The following JAM3 variants were observed in gnomAD, a reference collection of about 807,000 sequenced individuals.
JAM3 encodes the protein junctional adhesion molecule 3.
JAM3 carries 31 observed loss-of-function variants against 39.4 expected under a neutral mutation model. The observed-to-expected ratio is 0.79, with a 90% CI of 0.59 to 1.06. The LOEUF is 1.06. JAM3 is among the 50% of genes least tolerant of loss of function. The pLI is 0.00. For missense variants in JAM3, 455 were observed against 391.4 expected, an observed-to-expected ratio of 1.16 and a Z score of -1.37; for synonymous variants, 182 against 148.7, an observed-to-expected ratio of 1.22 and a Z score of -1.63.
Position 134,149,579 on chromosome 11 carries a change from C to G in JAM3, c.*398C>G. ...GCCACGACAGCACCATGTGAGATGG[C>G]GAGGTGGCTGGACAGCACCAGCAGC... On this transcript the variant is annotated 3_prime_UTR_variant, in exon 9 of 9. Coordinates refer to ENST00000299106, the MANE Select transcript of JAM3 (RefSeq NM_032801.5). 2.1e-6 allele frequency: 1 copy of G among 473,652 alleles called. No homozygotes were observed. The highest frequency in any genetic ancestry group is 1.5e-5 in the South Asian group (1 of 64,692). The allele number at this position is 473,652 out of a possible 1,614,324, so 29.3% of individuals were successfully genotyped here.
rs1294035907 is a variant in JAM3, at chr11:134,103,832, C to T, written c.76+34673C>T. On this transcript the variant is annotated intron_variant, in intron 1 of 8. Transcript: ENST00000299106. ...TAACTATCCTAAATATATATGCACTCAATACAGGAGCACCCAGATTCATAA... is the reference window on the plus strand; with the variant it reads ...TAACTATCCTAAATATATATGCACTTAATACAGGAGCACCCAGATTCATAA... 2.0e-5 allele frequency among the ~76,000 whole-genome samples: 3 copies of T among 152,132 alleles called. No homozygotes were observed. In the South Asian group the frequency reaches 6.2e-4, roughly 32 times the overall value.
At chr11:134,123,191 A>G (rs1483941394) in intron 1 of JAM3, among the ~76,000 whole-genome samples, 1 of 151,840 alleles carries the variant, frequency 6.6e-6, no homozygotes, top group Non-Finnish European at 1.5e-5. Flanking sequence ...ATATATCTAT[A>G]TGTCACTGCT....
chr11:134,096,098 T>A (rs1401182601), intron 1 of JAM3, among the ~76,000 whole-genome samples: 4 of 152,142 alleles, frequency 2.6e-5, no homozygotes. Context: ...TGCCTCATCC[T>A]CCCAAGTAGC....
At chr11:134,073,587 T>G (rs1565480048) in intron 1 of JAM3, among the ~76,000 whole-genome samples, 1 of 152,230 alleles carries the variant, frequency 6.6e-6, no homozygotes, top group Admixed American at 6.5e-5. Context: ...CACCCATTTA[T>G]TGAGTATCTA....
At chr11:134,132,269 T>C (rs1034111632) in intron 1 of JAM3, among the ~76,000 whole-genome samples, 1 of 152,090 alleles carries the variant, frequency 6.6e-6, no homozygotes, top group African/African-American at 2.4e-5. Context: ...GGAAGTGGGG[T>C]GATATATTTA....
chr11:134,115,076 C>G (rs913941605), intron 1 of JAM3, among the ~76,000 whole-genome samples: 1 of 152,000 alleles, frequency 6.6e-6, no homozygotes, highest in Non-Finnish European at 1.5e-5. Flanking sequence ...ATGAATTGAC[C>G]TCTTTATCGA....
chr11:134,109,039 C>G (rs1021420931), intron 1 of JAM3, among the ~76,000 whole-genome samples: 1 of 152,160 alleles, frequency 6.6e-6, no homozygotes, highest in African/African-American at 2.4e-5. Context: ...TCACTGCAAC[C>G]TCCACCTCCC....
chr11:134,107,231 G>C (rs577278737), intron 1 of JAM3, among the ~76,000 whole-genome samples: 1 of 152,120 alleles, frequency 6.6e-6, no homozygotes, highest in African/African-American at 2.4e-5. Context: ...CTATCGCAAG[G>C]ACAAAAAACC....
intron 1 of JAM3, among the ~76,000 whole-genome samples, chr11:134,088,822 C>T (rs1433264147): frequency 1.3e-5 from 2 of 152,190 alleles, no homozygotes; most frequent in Non-Finnish European, 2.9e-5. Context: ...TGGAGTCTCA[C>T]TCTGTCACCC....
rs77508141 is a variant in JAM3, at chr11:134,140,052, G to A, written c.142+136G>A. 3,920 of 734,140 alleles carry A rather than the reference G, an allele frequency of 5.3e-3. 79 individuals are homozygous for A. The highest frequency in any genetic ancestry group is 0.052 in the African/African-American group (3,035 of 57,852). The allele number at this position is 734,140 out of a possible 1,614,324, so 45.5% of individuals were successfully genotyped here. On this transcript the variant is annotated intron_variant, in intron 2 of 8. Transcript: ENST00000299106. Reference sequence around the variant, plus strand: ...CGGGTGGACTGCTCTGCGGTGCACAGGCCTGGAAGCATGGCATCAGCAGGC... The same window carrying A: ...CGGGTGGACTGCTCTGCGGTGCACAAGCCTGGAAGCATGGCATCAGCAGGC...
chr11:134,091,390 G>A (rs1235728964), intron 1 of JAM3, among the ~76,000 whole-genome samples: 1 of 152,112 alleles, frequency 6.6e-6, no homozygotes, highest in Non-Finnish European at 1.5e-5. Context: ...AGCTACTCAG[G>A]AGGCTGAGGC....
At chr11:134,113,164 A>G (rs944040511) in intron 1 of JAM3, among the ~76,000 whole-genome samples, 1 of 151,578 alleles carries the variant, frequency 6.6e-6, no homozygotes, top group Admixed American at 6.6e-5. Flanking sequence ...ACAGAGTAGT[A>G]ATTGACAATG....
At chr11:134,143,530 AC>A (rs1382774495) in intron 3 of JAM3, among the ~76,000 whole-genome samples, 6 of 152,140 alleles carry the variant, frequency 3.9e-5, no homozygotes, top group African/African-American at 1.4e-4. Context: ...CACTGCACCC[AC>A]CCTTATGTCC....
At chr11:134,109,257 C>T (rs944956467) in intron 1 of JAM3, among the ~76,000 whole-genome samples, 10 of 151,810 alleles carry the variant, frequency 6.6e-5, no homozygotes, top group Middle Eastern at 3.2e-3. Flanking sequence ...CCACCGTGCC[C>T]GGCCTGCTCT....
chr11:134,124,934 G>T (rs1435769079), intron 1 of JAM3, among the ~76,000 whole-genome samples: 1 of 152,248 alleles, frequency 6.6e-6, no homozygotes, highest in African/African-American at 2.4e-5. Flanking sequence ...GAAGTCCGGC[G>T]GTGGCAGGAG....
chr11:134,070,048 G>A (rs938773805), intron 1 of JAM3: 1 of 405,552 alleles, frequency 2.5e-6, no homozygotes, highest in African/African-American at 2.1e-5. Flanking sequence ...CTGGACAGTT[G>A]TACAGAGGAC....
At chr11:134,077,156 C>T (rs912142169) in intron 1 of JAM3, among the ~76,000 whole-genome samples, 1 of 151,928 alleles carries the variant, frequency 6.6e-6, no homozygotes, top group African/African-American at 2.4e-5. Flanking sequence ...TATTTAATAG[C>T]CATTCTGACT....
chr11:134,097,396 C>T (rs773480245), intron 1 of JAM3, among the ~76,000 whole-genome samples: 6 of 152,192 alleles, frequency 3.9e-5, no homozygotes, highest in Non-Finnish European at 7.3e-5. Context: ...AGCACTTGCT[C>T]AGGAACAGGT....
At chr11:134,101,872 GC>G (rs1344131443) in intron 1 of JAM3, among the ~76,000 whole-genome samples, 1 of 152,106 alleles carries the variant, frequency 6.6e-6, no homozygotes, top group East Asian at 1.9e-4. Flanking sequence ...TTTGAGACTA[GC>G]TTGGGCAAGA....
Sources: allele counts gnomAD v4.1 joint callset (sites outside exome capture counted in the v4.1 genomes callset), GRCh38; gene constraint gnomAD v4.1.1; transcripts MANE v1.5; gene names NCBI Gene and HGNC (gene_info 2026-07-23, HGNC 2026-07-21).